CHRNA7: variants seen among roughly 807,000 people sequenced by gnomAD.
CHRNA7 encodes cholinergic receptor nicotinic alpha 7 subunit, also known as neuronal acetylcholine receptor subunit alpha-7.
In CHRNA7, 17 loss-of-function variants were observed where a neutral mutation model predicts 48.0. The observed-to-expected ratio is 0.35, with a 90% confidence interval of 0.24 to 0.53. The LOEUF (loss-of-function observed/expected upper bound fraction) is 0.53, where lower values mean the gene tolerates loss of function less well. Ranked by LOEUF, CHRNA7 falls within the 20% of genes least tolerant of loss-of-function variation. The pLI, the probability that CHRNA7 is intolerant of heterozygous loss-of-function variation, is 0.92. For missense variants in CHRNA7, 155 were observed against 577.7 expected (o/e 0.27, Z 7.50); for synonymous variants, 75 against 242.3 (o/e 0.31, Z 6.41).
chr15:32,094,899 C>T (rs1022245225), intron 2 of CHRNA7, among the ~76,000 whole-genome samples: 3 of 152,326 alleles, frequency 2.0e-5, no homozygotes, highest in Non-Finnish European at 4.4e-5. Flanking sequence ...CTGCCTGCCT[C>T]GGCCTCCCAA....
chr15:32,109,765 T>C (rs2050731923), intron 3 of CHRNA7, among the ~76,000 whole-genome samples: 1 of 152,076 alleles, frequency 6.6e-6, no homozygotes, highest in African/African-American at 2.4e-5. Context: ...CTATGGTGAG[T>C]CTGCTATGGT....
At chr15:32,081,140 G>A (rs1334891842) in intron 2 of CHRNA7, among the ~76,000 whole-genome samples, 30 of 152,176 alleles carry the variant, frequency 2.0e-4, no homozygotes, top group Admixed American at 2.0e-3. Context: ...GGCCTGTCGG[G>A]TGGGGTCCTG....
At chr15:32,091,394 A>AATTTGTTTGCTAATTTGT (rs2050379405) in intron 2 of CHRNA7, among the ~76,000 whole-genome samples, 1 of 151,950 alleles carries the variant, frequency 6.6e-6, no homozygotes, top group African/African-American at 2.4e-5. Context: ...GTTTGTTCTC[A>AATTTGTTTGCTAATTTGT]TTGCGTCTGT....
intron 4 of CHRNA7, among the ~76,000 whole-genome samples, chr15:32,148,561 G>A (rs2051542156): frequency 6.6e-6 from 1 of 152,200 alleles, no homozygotes; most frequent in Non-Finnish European, 1.5e-5. Flanking sequence ...GATCCTAGGG[G>A]ATGTGGAGGA....
chr15:32,111,992 T>A, intron 4 of CHRNA7, 93 bp downstream of exon 4: 1 of 852,726 alleles, frequency 1.2e-6, no homozygotes, highest in African/African-American at 1.7e-5. Flanking sequence ...ATGCTGGATA[T>A]GTTATCTATG....
At chr15:32,105,096 A>T (rs966147037) in intron 3 of CHRNA7, among the ~76,000 whole-genome samples, 2 of 152,218 alleles carry the variant, frequency 1.3e-5, no homozygotes, top group African/African-American at 4.8e-5. Flanking sequence ...GTGTCACCAG[A>T]GACCTCTAAA....
At chr15:32,074,408 A>G (rs1337187636) in intron 2 of CHRNA7, among the ~76,000 whole-genome samples, 4 of 148,562 alleles carry the variant, frequency 2.7e-5, no homozygotes, top group Non-Finnish European at 6.0e-5. Context: ...TCAAGAAAAT[A>G]GAATAAAAGT....
Position 32,149,308 on chromosome 15 carries a change from A to C in CHRNA7, c.351-4599A>C, listed in dbSNP as rs2051566912. 6.6e-6 allele frequency among the ~76,000 whole-genome samples: 1 copy of C among 152,208 alleles called. No homozygotes were observed. The highest frequency in any genetic ancestry group is 2.4e-5 in the African/African-American group (1 of 41,468). ...TCCACGGTTATGGGTGTTTGCCAGC[A>C]CAGGGCTGCCCAGCACTGGTGAGGG... On this transcript the variant is annotated intron_variant, in intron 4 of 9. Coordinates refer to ENST00000306901, the MANE Select transcript of CHRNA7 (RefSeq NM_000746.6). This position sits in a 1 kb window ranked among gnomAD's most constrained non-coding sequence, Gnocchi z 4.6.
In CHRNA7 at chr15:32,069,734, T is replaced by A. The variant is rs1595410387; in HGVS notation, c.196-31569T>A. Among the ~76,000 whole-genome samples, 3 of 152,230 alleles carry A rather than the reference T, an allele frequency of 2.0e-5. No homozygotes were observed. In the East Asian group the frequency reaches 5.8e-4, roughly 29 times the overall value. ...TATCATACATTAATTATGGCTCATT[T>A]TTTAAGTATAAATGCTTGTGTCCAA... On this transcript the variant is annotated intron_variant, in intron 2 of 9. Transcript: ENST00000306901.
At chr15:32,086,000 CTTAG>C (rs771809615) in intron 2 of CHRNA7, among the ~76,000 whole-genome samples, 36 of 152,246 alleles carry the variant, frequency 2.4e-4, no homozygotes, top group Middle Eastern at 6.8e-3. Flanking sequence ...TACAATGTGA[CTTAG>C]TTAATTTTAA....
intron 2 of CHRNA7, among the ~76,000 whole-genome samples, chr15:32,063,329 C>T (rs1444116066): frequency 6.6e-6 from 1 of 152,200 alleles, no homozygotes. Context: ...TATGGGACCA[C>T]TTTCAGATAC....
At chr15:32,166,227 G>A (rs2052129938) in intron 9 of CHRNA7, 1 of 152,202 alleles carries the variant, frequency 6.6e-6, no homozygotes, top group African/African-American at 2.4e-5. Context: ...GTAAAGTGAG[G>A]GGATTATACT....
chr15:32,061,401 C>A (rs2049876321), intron 2 of CHRNA7, among the ~76,000 whole-genome samples: 1 of 152,182 alleles, frequency 6.6e-6, no homozygotes, highest in Non-Finnish European at 1.5e-5. Flanking sequence ...CCCTTCCCAT[C>A]AGAATTAACC....
rs546781092 is a variant in CHRNA7 at position 32,120,730 on chromosome 15, G to A, written c.350+8831G>A. Among the ~76,000 whole-genome samples the A allele has an allele frequency of 3.9e-5, 6 of 152,192 alleles. No individual in the cohort carries two copies. In the East Asian group the frequency reaches 7.8e-4, roughly 20 times the overall value. On this transcript the variant is annotated intron_variant, in intron 4 of 9. Transcript: ENST00000306901. ...GGCATGTGGCAACGGGCCAGTCCAC[G>A]GAGCAGCTCCCCAACCCCCTGCACC...
At chr15:32,070,052 A>G (rs1197649870) in intron 2 of CHRNA7, among the ~76,000 whole-genome samples, 1 of 152,160 alleles carries the variant, frequency 6.6e-6, no homozygotes, top group Non-Finnish European at 1.5e-5. Context: ...AGAATTATAA[A>G]CCTTTTTAAA....
chr15:32,030,945 A>G lies in CHRNA7; in HGVS notation c.103A>G (p.Lys35Glu), dbSNP rs746222799. The change falls in exon 2 of 10, where the codon AAG becomes GAG. Residue 35 changes from lysine to glutamate, a missense_variant. By Grantham distance (56) the Lys-to-Glu change is moderately conservative. Coordinates refer to ENST00000306901, the MANE Select transcript of CHRNA7 (RefSeq NM_000746.6). Reference protein sequence around the residue: ...FQRKLYKELVKNYNPLERPVA... With the variant: ...FQRKLYKELVENYNPLERPVA... Reference sequence around the variant, plus strand: ...GAGGAAGCTTTACAAGGAGCTGGTCAAGAACTACAATCCCTTGGAGAGGCC... The same window carrying G: ...GAGGAAGCTTTACAAGGAGCTGGTCGAGAACTACAATCCCTTGGAGAGGCC... 2 of 1,614,176 alleles carry G rather than the reference A, an allele frequency of 1.2e-6. No homozygotes were observed. The highest frequency in any genetic ancestry group is 2.2e-5 in the South Asian group (2 of 91,092).
chr15:32,125,784 C>A (rs1034190426), intron 4 of CHRNA7, among the ~76,000 whole-genome samples: 38 of 152,234 alleles, frequency 2.5e-4, no homozygotes, highest in African/African-American at 9.1e-4. Flanking sequence ...GCTCAGGAAT[C>A]GGTCATACAT....
At chr15:32,079,681 G>T (rs2050186531) in intron 2 of CHRNA7, among the ~76,000 whole-genome samples, 1 of 152,018 alleles carries the variant, frequency 6.6e-6, no homozygotes, top group Non-Finnish European at 1.5e-5. Flanking sequence ...CTATGCTCAT[G>T]GATAGGAAAA....
rs200499036 is a variant in CHRNA7, at chr15:32,059,727, AT to A, written c.195+28699del. Among the ~76,000 whole-genome samples the A allele has an allele frequency of 8.6e-5, 13 of 151,382 alleles. No homozygotes were observed. The East Asian group carries it at 1.7e-3, about 20-fold the overall frequency. On this transcript the variant is annotated intron_variant, in intron 2 of 9. Transcript: ENST00000306901. ...TGGGAAGTACAGATATAGAGAAATG[AT>A]TTTTTTTTGTTTTGTTTGTTTTCTA...
Sources: allele counts gnomAD v4.1 joint callset (sites outside exome capture counted in the v4.1 genomes callset), GRCh38; gene constraint gnomAD v4.1.1; non-coding constraint Gnocchi (gnomAD v3.1); transcripts MANE v1.5; gene names NCBI Gene and HGNC (gene_info 2026-07-23, HGNC 2026-07-21).